The following YJU2 variants were observed in gnomAD, a reference collection of about 807,000 sequenced individuals.
YJU2 encodes splicing factor YJU2.
Under a neutral mutation model 39.6 loss-of-function variants are expected in YJU2, and 28 were observed. The observed-to-expected ratio is 0.71, with a 90% confidence interval of 0.52 to 0.97. The LOEUF (loss-of-function observed/expected upper bound fraction) is 0.97. Among genes scored for constraint, YJU2 ranks in the 50% least tolerant of loss-of-function variants. The pLI is 0.00. For missense variants in YJU2, 328 were observed against 430.4 expected (o/e 0.76, Z 2.11); for synonymous variants, 184 against 182.4 (o/e 1.01, Z -0.07).
chr19:4,255,573 C>T (rs8105967), intron 4 of YJU2, among the ~76,000 whole-genome samples: 4,868 of 150,836 alleles, frequency 0.032, 269 homozygotes, highest in African/African-American at 0.11. Flanking sequence ...ACTAAAAATA[C>T]AAAAAATTAG....
intron 6 of YJU2, 25 bp downstream of exon 6, chr19:4,262,139 G>C (rs958782330): frequency 6.3e-7 from 1 of 1,583,436 alleles, no homozygotes; most frequent in Non-Finnish European, 8.6e-7. Context: ...TGAGTCCTGG[G>C]GGCTCCCAGG....
chr19:4,257,717 G>C (rs927006474), intron 4 of YJU2, among the ~76,000 whole-genome samples: 1 of 151,978 alleles, frequency 6.6e-6, no homozygotes, highest in Admixed American at 6.6e-5. Flanking sequence ...CAAGTGATCT[G>C]TCTGCCTCGG....
Position 4,258,245 on chromosome 19 carries a change from C to G in YJU2, c.409C>G (p.Leu137Val). 1 of 1,552,218 alleles carries G rather than the reference C, an allele frequency of 6.4e-7. No individual in the cohort carries two copies. The highest frequency in any genetic ancestry group is 8.7e-7 in the Non-Finnish European group (1 of 1,147,360). ...DEELNNPMKV[L>V]ENRTKDSKLE... is the part of the protein sequence containing the mutation. Reference sequence around the variant, plus strand: ...CCCGCCGCCCCGCGCCCGCCAGGTGCTGGAGAACCGGACCAAGGACTCCAA... The same window carrying G: ...CCCGCCGCCCCGCGCCCGCCAGGTGGTGGAGAACCGGACCAAGGACTCCAA... Residue 137 changes from leucine to valine, a missense_variant, in exon 5 of 8, where the codon CTG (leucine) becomes GTG (valine). Leu to Val is a conservative substitution (Grantham distance 32). This residue lies in a region of YJU2 where 244 missense variants were observed against 264.6 expected (regional missense o/e 0.92). Transcript: ENST00000262962.
intron 2 of YJU2, 34 bp from the exon 3 acceptor site, chr19:4,250,993 A>G: frequency 6.2e-7 from 1 of 1,602,774 alleles, no homozygotes; most frequent in Non-Finnish European, 8.5e-7. Context: ...CCAGCGTCCC[A>G]AGACAGCTCA....
intron 6 of YJU2, among the ~76,000 whole-genome samples, chr19:4,266,938 G>C (rs1377792836): frequency 6.6e-6 from 1 of 152,200 alleles, no homozygotes; most frequent in Non-Finnish European, 1.5e-5. Context: ...CTGCACTCCA[G>C]CCTGGGCAAT....
chr19:4,267,532 G>A lies in YJU2; in HGVS notation c.709-92G>A, dbSNP rs112188736. The A allele has an allele frequency of 2.0e-4, 265 of 1,324,324 alleles. No homozygotes were observed. The African/African-American group carries it at 3.3e-3, about 17-fold the overall frequency. The allele number at this position is 1,324,324 out of a possible 1,614,324, so 82.0% of individuals were successfully genotyped here. On this transcript the variant is annotated intron_variant, in intron 6 of 7. Transcript: ENST00000262962. Reference sequence around the variant, plus strand: ...GTGGTCAGTGCAGCAGTGGAAGAGTGGGCATGGGGCAGTGAGCAGGGGTTG... The same window carrying A: ...GTGGTCAGTGCAGCAGTGGAAGAGTAGGCATGGGGCAGTGAGCAGGGGTTG...
intron 3 of YJU2, among the ~76,000 whole-genome samples, chr19:4,251,720 A>G (rs1970978620): frequency 6.7e-6 from 1 of 150,286 alleles, no homozygotes; most frequent in Admixed American, 6.7e-5. Context: ...ACAGTGGCTC[A>G]TGCCTGTAAT....
At position 4,247,253 on chromosome 19, in the gene YJU2, T is replaced by C. The variant is rs8112323; in HGVS notation, c.24+83T>C. 10,017 of 1,252,506 alleles carry C rather than the reference T, an allele frequency of 8.0e-3. 597 individuals carry two copies. The African/African-American group carries it at 0.13, about 16-fold the overall frequency. 77.6% of individuals were successfully genotyped at this position (1,252,506 alleles called of 1,614,324 possible). A position where few individuals can be genotyped will look rare whatever the true frequency, so the allele number is the denominator to read the frequency against. On this transcript the variant is annotated intron_variant, in intron 1 of 7. Coordinates refer to ENST00000262962, the MANE Select transcript of YJU2 (RefSeq NM_018074.6). ...AGAGGGAGGAGCTTCCTGAGATCTC[T>C]TCTTTGGAACCCTTCTTTCCCAGCG...
At chr19:4,247,623 G>T (rs1970937347) in intron 1 of YJU2, among the ~76,000 whole-genome samples, 1 of 47,294 alleles carries the variant, frequency 2.1e-5, no homozygotes, top group South Asian at 1.2e-3. Flanking sequence ...GTGTGTGTGT[G>T]TGTGTGTGTG....
chr19:4,266,864 G>A (rs1404740021), intron 6 of YJU2, among the ~76,000 whole-genome samples: 1 of 152,170 alleles, frequency 6.6e-6, no homozygotes, highest in Non-Finnish European at 1.5e-5. Context: ...ACCTGCAGGA[G>A]GCTGAGGCAG....
At chr19:4,265,408 A>ACTAATTAGCTG (rs1971107784) in intron 6 of YJU2, among the ~76,000 whole-genome samples, 1 of 150,334 alleles carries the variant, frequency 6.7e-6, no homozygotes, top group Admixed American at 6.6e-5. Flanking sequence ...AGTGTGTGCC[A>ACTAATTAGCTG]CCACAGCCAG....
In YJU2 at chr19:4,262,044, C is replaced by T; in HGVS notation, c.638C>T (p.Ser213Leu). 5 of 1,613,246 alleles carry T rather than the reference C, an allele frequency of 3.1e-6. No homozygotes were observed. Among genetic ancestry groups the T allele is most frequent in the Non-Finnish European group, 4.2e-6 (5 of 1,179,942 alleles). ...RKRRLLEDSD[S>L]EDEAAPSPLQ... ...CGAAGACTGCTGGAGGACTCCGACT[C>T]AGAGGATGAGGCTGCTCCCTCGCCC... Residue 213 changes from serine (S) to leucine (L), a missense_variant, in exon 6 of 8, where the codon TCA becomes TTA. Transcript: ENST00000262962.
intron 1 of YJU2, 70 bp downstream of exon 1, chr19:4,247,240 T>TTCCTGAGATC: frequency 7.2e-7 from 1 of 1,384,110 alleles, no homozygotes; most frequent in Non-Finnish European, 1.0e-6. Flanking sequence ...AGGGAGGAGC[T>TTCCTGAGATC]TCCTGAGATC....
intron 3 of YJU2, among the ~76,000 whole-genome samples, chr19:4,253,198 TACACAC>T (rs58339658): frequency 0.029 from 4,039 of 139,120 alleles, 174 homozygotes; most frequent in African/African-American, 0.1. Flanking sequence ...TGTCCGTGTC[TACACAC>T]ACACACACAC....
chr19:4,259,076 T>G (rs1383583054), intron 5 of YJU2, among the ~76,000 whole-genome samples: 1 of 112,668 alleles, frequency 8.9e-6, no homozygotes, highest in Non-Finnish European at 1.7e-5. Context: ...CTTTTCTTTT[T>G]TTTTTTTTTT....
Position 4,247,645 on chromosome 19 carries a change from GTGTGTGTGTGTGTGTGTGTGTGT to G in YJU2, c.24+476_24+498del, listed in dbSNP as rs1970939776. Among the ~76,000 whole-genome samples the G allele has an allele frequency of 3.7e-4, 25 of 67,680 alleles. 2 individuals are homozygous for G. The highest frequency in any genetic ancestry group is 1.4e-3 in the South Asian group (2 of 1,418). 44.4% of individuals were successfully genotyped at this position (67,680 alleles called of 152,430 possible). A position where few individuals can be genotyped will look rare whatever the true frequency, so the allele number is the denominator to read the frequency against. On this transcript the variant is annotated intron_variant, in intron 1 of 7. Transcript: ENST00000262962. ...TGTGTGTGTGTGTGTGTGTGTGTGTGTGTGTGTGTGTGTGTGTGTGTGTGTGTGTGTGTGTGTGTGTGTGTGTG... is the reference window on the plus strand; with the variant it reads ...TGTGTGTGTGTGTGTGTGTGTGTGTGGTGTGTGTGTGTGTGTGTGTGTGTG...
At chr19:4,260,930 C>G (rs950905580) in intron 5 of YJU2, among the ~76,000 whole-genome samples, 105 of 152,264 alleles carry the variant, frequency 6.9e-4, no homozygotes, top group African/African-American at 2.4e-3. Flanking sequence ...GATGCGTGAG[C>G]TTGAATTATG....
At chr19:4,265,850 C>T (rs1267481078) in intron 6 of YJU2, among the ~76,000 whole-genome samples, 3 of 151,864 alleles carry the variant, frequency 2.0e-5, no homozygotes, top group Non-Finnish European at 4.4e-5. Context: ...CCACCCGCCT[C>T]GGCCTCCCAA....
chr19:4,257,485 T>G (rs28507419), intron 4 of YJU2, among the ~76,000 whole-genome samples: 61,378 of 151,092 alleles, frequency 0.41, 14,427 homozygotes, highest in African/African-American at 0.65. Flanking sequence ...TATTTATTTA[T>G]TTTTTTGAGA....
Sources: allele counts gnomAD v4.1 joint callset (sites outside exome capture counted in the v4.1 genomes callset), GRCh38; gene constraint gnomAD v4.1.1; regional missense constraint gnomAD v4.1.1; transcripts MANE v1.5; gene names NCBI Gene and HGNC (gene_info 2026-07-23, HGNC 2026-07-21).